CDH12: variants seen among roughly 807,000 people sequenced by gnomAD.
CDH12 encodes the protein cadherin-12.
A neutral mutation model predicts 74.1 loss-of-function variants in CDH12; 41 were observed. The observed-to-expected ratio is 0.55, with a 90% CI of 0.43 to 0.72. CDH12 has a LOEUF of 0.72. CDH12 is among the 30% of genes least tolerant of loss of function. The probability of loss-of-function intolerance (pLI) is 0.00; values close to 1 mark genes in which losing one functional copy is unlikely to be tolerated. For missense variants in CDH12, 945 were observed against 977.2 expected, an observed-to-expected ratio of 0.97 and a Z score of 0.44; for synonymous variants, 399 against 355.0, an observed-to-expected ratio of 1.12 and a Z score of -1.39.
rs190404798 is a variant in CDH12 at position 22,599,241 on chromosome 5, T to C, written c.-522-93877A>G. 5.0e-4 allele frequency among the ~76,000 whole-genome samples: 76 copies of C among 152,306 alleles called. 1 individual carries two copies. The East Asian group carries it at 0.014, about 27-fold the overall frequency. Reference sequence around the variant, plus strand: ...AATTGCACTATTCATTATTCAGCGGTCTGAACTAAAACCTCAGAAGTCTTC... The same window carrying C: ...AATTGCACTATTCATTATTCAGCGGCCTGAACTAAAACCTCAGAAGTCTTC... On this transcript the variant is annotated intron_variant, in intron 1 of 14. Coordinates refer to ENST00000382254, the MANE Select transcript of CDH12 (RefSeq NM_004061.5).
At chr5:22,750,955 GA>G in intron 1 of CDH12, among the ~76,000 whole-genome samples, 1 of 150,106 alleles carries the variant, frequency 6.7e-6, no homozygotes, top group Non-Finnish European at 1.5e-5. Flanking sequence ...GGTAGGGAGA[GA>G]AAAAATGAGA....
intron 5 of CDH12, among the ~76,000 whole-genome samples, chr5:21,990,469 T>G (rs1457837074): frequency 6.6e-6 from 1 of 152,004 alleles, no homozygotes; most frequent in East Asian, 1.9e-4. Flanking sequence ...AAATGTAGAC[T>G]ATAATATTTA....
chr5:21,896,514 A>C lies in CDH12; in HGVS notation c.527-41724T>G, dbSNP rs115846604. On this transcript the variant is annotated intron_variant, in intron 6 of 14. Coordinates refer to ENST00000382254, the MANE Select transcript of CDH12 (RefSeq NM_004061.5). ...TGGGAACTCTACCTCTTTCTCTTCC[A>C]TTCACCATTGAAATACCAGATTGTT... 7.7e-3 allele frequency among the ~76,000 whole-genome samples: 1,172 copies of C among 152,318 alleles called. 12 individuals carry two copies. Among genetic ancestry groups the C allele is most frequent in the African/African-American group, 0.027 (1,124 of 41,564 alleles).
intron 1 of CDH12, among the ~76,000 whole-genome samples, chr5:22,545,929 G>A (rs1475713545): frequency 6.7e-6 from 1 of 149,092 alleles, no homozygotes; most frequent in Middle Eastern, 3.5e-3. Flanking sequence ...CTAGATTTTT[G>A]TTGTTGTTGT....
intron 1 of CDH12, among the ~76,000 whole-genome samples, chr5:22,845,932 G>A (rs966223132): frequency 2.6e-5 from 4 of 152,160 alleles, no homozygotes; most frequent in African/African-American, 9.7e-5. Context: ...GTACAGTCTA[G>A]ATGTGAGACA....
chr5:21,757,480 T>C (rs549416774), intron 13 of CDH12, among the ~76,000 whole-genome samples: 1 of 152,296 alleles, frequency 6.6e-6, no homozygotes, highest in Admixed American at 6.5e-5. Context: ...TTATTGAAAA[T>C]TGACCATAAC....
intron 5 of CDH12, among the ~76,000 whole-genome samples, chr5:22,025,048 G>A (rs1196601624): frequency 6.6e-6 from 1 of 152,056 alleles, no homozygotes; most frequent in East Asian, 1.9e-4. Context: ...TTACTATGAT[G>A]CCTAATAATA....
At chr5:21,806,066 T>C (rs1747410895) in intron 9 of CDH12, among the ~76,000 whole-genome samples, 1 of 152,112 alleles carries the variant, frequency 6.6e-6, no homozygotes, top group Non-Finnish European at 1.5e-5. Context: ...ACCACAACTA[T>C]AGAGAAATGA....
Position 21,919,906 on chromosome 5 carries a change from A to C in CDH12, c.526+55185T>G, listed in dbSNP as rs10042950. ...CTTCAAATATTTAAGAAAAGAAAAAATTTCTATAGCTACCACTCTCTTGAT... is the reference window on the plus strand; with the variant it reads ...CTTCAAATATTTAAGAAAAGAAAAACTTTCTATAGCTACCACTCTCTTGAT... On this transcript the variant is annotated intron_variant, in intron 6 of 14. Transcript: ENST00000382254. 5.9e-3 allele frequency among the ~76,000 whole-genome samples: 892 copies of C among 152,276 alleles called. 7 individuals are homozygous for C. Among genetic ancestry groups the C allele is most frequent in the African/African-American group, 0.018 (761 of 41,556 alleles).
intron 1 of CDH12, among the ~76,000 whole-genome samples, chr5:22,788,946 C>T (rs756100659): frequency 6.6e-6 from 1 of 151,636 alleles, no homozygotes; most frequent in Non-Finnish European, 1.5e-5. Context: ...CATGCATATA[C>T]CATATTTAAA....
At chr5:22,580,660 CA>C in intron 1 of CDH12, 1 of 432,230 alleles carries the variant, frequency 2.3e-6, no homozygotes, top group South Asian at 1.9e-5. Flanking sequence ...ACAGCCTGAA[CA>C]AAGAAGTGTT....
At chr5:22,318,756 C>T (rs1218523546) in intron 3 of CDH12, among the ~76,000 whole-genome samples, 1 of 152,078 alleles carries the variant, frequency 6.6e-6, no homozygotes, top group Non-Finnish European at 1.5e-5. Context: ...ACATGACATG[C>T]TTGTATATGT....
chr5:22,281,398 T>A (rs1295904492), intron 3 of CDH12, among the ~76,000 whole-genome samples: 1 of 152,074 alleles, frequency 6.6e-6, no homozygotes, highest in Admixed American at 6.6e-5. Context: ...GATAAATAAA[T>A]AAAGGGTATT....
At chr5:22,740,524 T>C (rs1744975017) in intron 1 of CDH12, among the ~76,000 whole-genome samples, 1 of 152,086 alleles carries the variant, frequency 6.6e-6, no homozygotes, top group Admixed American at 6.6e-5. Context: ...AAAGTCACTT[T>C]TAAATATTTG....
chr5:22,284,794 T>G (rs1580481347), intron 3 of CDH12, among the ~76,000 whole-genome samples: 1 of 152,014 alleles, frequency 6.6e-6, no homozygotes, highest in African/African-American at 2.4e-5. Context: ...TTAGCCACAT[T>G]GTATTTAAGG....
At chr5:22,197,765 C>T (rs1188830085) in intron 4 of CDH12, among the ~76,000 whole-genome samples, 2 of 151,944 alleles carry the variant, frequency 1.3e-5, no homozygotes, top group Non-Finnish European at 2.9e-5. Context: ...CAATGTCTCC[C>T]AAGATGATCT....
intron 4 of CDH12, among the ~76,000 whole-genome samples, chr5:22,192,215 T>G (rs2150347443): frequency 6.6e-6 from 1 of 152,270 alleles, no homozygotes; most frequent in South Asian, 2.1e-4. Flanking sequence ...ATTACAGGCA[T>G]GAGTCACCAT....
At chr5:22,357,932 C>A (rs771775324) in intron 3 of CDH12, among the ~76,000 whole-genome samples, 1 of 152,134 alleles carries the variant, frequency 6.6e-6, no homozygotes, top group Non-Finnish European at 1.5e-5. Flanking sequence ...TATAAAAATT[C>A]ATGAGCATTT....
chr5:22,484,620 G>GT (rs1746513298), intron 2 of CDH12, among the ~76,000 whole-genome samples: 1 of 152,186 alleles, frequency 6.6e-6, no homozygotes, highest in Admixed American at 6.5e-5. Flanking sequence ...AGGCAAACCT[G>GT]TTTTTTAACA....
Sources: allele counts gnomAD v4.1 joint callset (sites outside exome capture counted in the v4.1 genomes callset), GRCh38; gene constraint gnomAD v4.1.1; transcripts MANE v1.5; gene names NCBI Gene and HGNC (gene_info 2026-07-23, HGNC 2026-07-21).